SKAP2: variants seen among roughly 807,000 people sequenced by gnomAD.
The protein encoded by SKAP2 is src kinase associated phosphoprotein 2, also known as src kinase-associated phosphoprotein 2.
SKAP2 carries 28 observed loss-of-function variants against 54.9 expected under a neutral mutation model. That is an observed-to-expected ratio of 0.51 (90% CI 0.38 to 0.70). SKAP2 has a LOEUF of 0.70. Ranked by LOEUF, SKAP2 falls within the 30% of genes least tolerant of loss-of-function variation. SKAP2 has a pLI of 0.00. For missense variants in SKAP2, 356 were observed against 424.1 expected (o/e 0.84, Z 1.41); for synonymous variants, 137 against 134.3 (o/e 1.02, Z -0.14).
chr7:26,695,586 G>A (rs901326664), intron 9 of SKAP2, among the ~76,000 whole-genome samples: 4 of 152,116 alleles, frequency 2.6e-5, no homozygotes, highest in Non-Finnish European at 4.4e-5. Context: ...TCAATTTACA[G>A]GTGGATTGCT....
intron 3 of SKAP2, among the ~76,000 whole-genome samples, chr7:26,848,863 G>A (rs955722683): frequency 6.6e-6 from 1 of 152,154 alleles, no homozygotes; most frequent in Non-Finnish European, 1.5e-5. Context: ...TTCTACAATA[G>A]GAGGGCATGC....
At chr7:26,837,127 T>G (rs1037708129) in intron 4 of SKAP2, among the ~76,000 whole-genome samples, 12 of 151,334 alleles carry the variant, frequency 7.9e-5, no homozygotes, top group South Asian at 2.1e-4. Flanking sequence ...TAAGTGGGAG[T>G]TGAACAATGA....
rs147403441 is a variant in SKAP2 at position 26,689,461 on chromosome 7, G to A, written c.874+824C>T. ...TAACAACAAGCAAGAAAAGTTGTCC[G>A]TATCATGTGATTTTGTACAGAGTGT... On this transcript the variant is annotated intron_variant, in intron 10 of 12. Transcript: ENST00000345317. Among the ~76,000 whole-genome samples, 732 of 152,228 alleles carry A rather than the reference G, an allele frequency of 4.8e-3. 5 individuals carry two copies. The highest frequency in any genetic ancestry group is 0.017 in the African/African-American group (690 of 41,542).
intron 9 of SKAP2, among the ~76,000 whole-genome samples, chr7:26,721,616 T>A (rs1339545434): frequency 1.3e-5 from 2 of 152,182 alleles, no homozygotes; most frequent in African/African-American, 4.8e-5. Flanking sequence ...TGTTGCCCTC[T>A]CTCCTCCAGT....
intron 4 of SKAP2, among the ~76,000 whole-genome samples, chr7:26,796,584 T>C (rs1783785165): frequency 6.6e-6 from 1 of 152,222 alleles, no homozygotes; most frequent in Non-Finnish European, 1.5e-5. Flanking sequence ...TACCATAGAT[T>C]GAGTTCTGCA....
At chr7:26,716,107 C>A (rs1009532144) in intron 9 of SKAP2, among the ~76,000 whole-genome samples, 6 of 152,144 alleles carry the variant, frequency 3.9e-5, no homozygotes, top group Non-Finnish European at 7.4e-5. Flanking sequence ...ACTGAATGAA[C>A]AAATATTCTC....
Position 26,670,180 on chromosome 7 carries a change from A to G in SKAP2, c.1000T>C (p.Tyr334His), listed in dbSNP as rs780703919. ...IYILSKEYNR[Y>H]GWWVGEMKGA... ...TTCATTTCTCCTACCCACCAGCCAT[A>G]TCTATTGTATTCCTAATTGAAAACA... Residue 334 changes from tyrosine to histidine, a missense_variant, in exon 12 of 13, where the codon TAT (tyrosine) becomes CAT (histidine). Coordinates refer to ENST00000345317, the MANE Select transcript of SKAP2 (RefSeq NM_003930.5). 1 of 1,533,904 alleles carries G rather than the reference A, an allele frequency of 6.5e-7. No individual in the cohort carries two copies. Among genetic ancestry groups the G allele is most frequent in the South Asian group, 1.1e-5 (1 of 89,338 alleles).
intron 4 of SKAP2, among the ~76,000 whole-genome samples, chr7:26,840,694 A>AT (rs1242506014): frequency 6.6e-6 from 1 of 152,092 alleles, no homozygotes. Flanking sequence ...AACTATTACG[A>AT]TTTTTTTGTT....
chr7:26,851,376 G>A (rs1785038572), intron 3 of SKAP2, among the ~76,000 whole-genome samples: 1 of 151,978 alleles, frequency 6.6e-6, no homozygotes, highest in African/African-American at 2.4e-5. Context: ...CATGGAAGGC[G>A]GAGGTTGCAC....
chr7:26,822,380 G>A (rs1264231189), intron 4 of SKAP2, among the ~76,000 whole-genome samples: 1 of 151,904 alleles, frequency 6.6e-6, no homozygotes, highest in African/African-American at 2.4e-5. Context: ...ATCTGTTATG[G>A]TGATCTATAA....
At chr7:26,790,010 C>G (rs980865601) in intron 4 of SKAP2, among the ~76,000 whole-genome samples, 3 of 152,224 alleles carry the variant, frequency 2.0e-5, no homozygotes, top group Admixed American at 2.0e-4. Flanking sequence ...GCAGAAAGCC[C>G]TTTACAAGAC....
At chr7:26,819,080 C>T (rs1434631271) in intron 4 of SKAP2, among the ~76,000 whole-genome samples, 1 of 151,996 alleles carries the variant, frequency 6.6e-6, no homozygotes, top group Non-Finnish European at 1.5e-5. Context: ...GGGTATATAC[C>T]CAAAGGCTTA....
chr7:26,778,483 G>C (rs1012779133), intron 4 of SKAP2, among the ~76,000 whole-genome samples: 1 of 151,966 alleles, frequency 6.6e-6, no homozygotes, highest in African/African-American at 2.4e-5. Context: ...AGGACATAAA[G>C]AACAGCAAAG....
intron 4 of SKAP2, among the ~76,000 whole-genome samples, chr7:26,799,281 A>G (rs1783856320): frequency 7.3e-6 from 1 of 136,390 alleles, no homozygotes. Context: ...GCTGAATGGA[A>G]GAAAAAAAAA....
At chr7:26,834,722 A>G (rs1784669797) in intron 4 of SKAP2, among the ~76,000 whole-genome samples, 1 of 152,188 alleles carries the variant, frequency 6.6e-6, no homozygotes, top group Admixed American at 6.5e-5. Flanking sequence ...CAACCAAAAA[A>G]GGCCCAGGAC....
At chr7:26,716,761 C>T (rs536011591) in intron 9 of SKAP2, among the ~76,000 whole-genome samples, 13 of 152,278 alleles carry the variant, frequency 8.5e-5, no homozygotes, top group African/African-American at 2.6e-4. Context: ...AAAATTTTAA[C>T]ATACATTTCC....
At chr7:26,826,972 C>T (rs536064235) in intron 4 of SKAP2, among the ~76,000 whole-genome samples, 25 of 152,110 alleles carry the variant, frequency 1.6e-4, no homozygotes, top group Middle Eastern at 3.4e-3. Flanking sequence ...CTATTTTAAG[C>T]GTATTAGGGG....
At chr7:26,655,641 A>G in the SKAP2 span, among the ~76,000 whole-genome samples, 95 of 152,286 alleles carry the variant, frequency 6.2e-4, no homozygotes, top group Admixed American at 3.3e-3. Flanking sequence ...GGTTATATCA[A>G]TCTATTTCTG....
chr7:26,843,203 C>T (rs142697785), intron 4 of SKAP2, among the ~76,000 whole-genome samples: 1 of 152,164 alleles, frequency 6.6e-6, no homozygotes, highest in African/African-American at 2.4e-5. Context: ...AGAGATGGAA[C>T]TGCACAGTTT....
Sources: gnomAD v4.1 joint callset for allele counts (sites outside exome capture counted in the v4.1 genomes callset) on GRCh38, gnomAD v4.1.1 for gene constraint, MANE v1.5 for transcripts, NCBI Gene and HGNC (gene_info 2026-07-23, HGNC 2026-07-21) for gene names.